The following SHOC1 variants were observed in gnomAD, a reference collection of about 807,000 sequenced individuals.
SHOC1 encodes the protein protein shortage in chiasmata 1 ortholog.
In SHOC1, 136 loss-of-function variants were observed where a neutral mutation model predicts 179.2. The ratio of observed to expected loss-of-function variants is 0.76; its 90% CI spans 0.66 to 0.87. The LOEUF is 0.87. Ranked by LOEUF, SHOC1 falls within the 40% of genes least tolerant of loss-of-function variation. SHOC1 has a pLI of 0.00. For synonymous variants in SHOC1, 489 were observed against 586.6 expected, an observed-to-expected ratio of 0.83 and a Z score of 2.41; for missense variants, 1,538 against 1,700.8, an observed-to-expected ratio of 0.90 and a Z score of 1.68.
intron 26 of SHOC1, 114 bp from the exon 27 acceptor site, chr9:111,692,625 A>G: frequency 1.6e-6 from 1 of 644,926 alleles, no homozygotes; most frequent in Non-Finnish European, 2.5e-6. Context: ...TAGATATTAC[A>G]TTGATCCAGG....
intron 22 of SHOC1, among the ~76,000 whole-genome samples, chr9:111,703,132 C>G (rs1254278000): frequency 3.9e-5 from 6 of 152,074 alleles, no homozygotes. Context: ...AACAAACAAA[C>G]AGTTGTGCCA....
chr9:111,763,355 T>G (rs556773736), intron 5 of SHOC1, among the ~76,000 whole-genome samples: 8 of 151,976 alleles, frequency 5.3e-5, no homozygotes, highest in Non-Finnish European at 1.2e-4. Flanking sequence ...TATATAACAA[T>G]AGACCCACAA....
At chr9:111,747,629 G>A (rs1216666464) in intron 9 of SHOC1, among the ~76,000 whole-genome samples, 1 of 152,106 alleles carries the variant, frequency 6.6e-6, no homozygotes, top group Non-Finnish European at 1.5e-5. Flanking sequence ...TGCCCAGGCT[G>A]GAGTGCAGTG....
At chr9:111,794,254 C>A (rs1268510174) in intron 1 of SHOC1, among the ~76,000 whole-genome samples, 2 of 148,948 alleles carry the variant, frequency 1.3e-5, no homozygotes, top group African/African-American at 2.5e-5. Flanking sequence ...CTGCCTTCTT[C>A]ACTCCCTCGC....
At chr9:111,729,623 G>A (rs1397322316) in intron 12 of SHOC1, among the ~76,000 whole-genome samples, 3 of 152,184 alleles carry the variant, frequency 2.0e-5, no homozygotes, top group South Asian at 2.1e-4. Flanking sequence ...GGTCAGGAGC[G>A]TGGCTCATGC....
intron 12 of SHOC1, among the ~76,000 whole-genome samples, chr9:111,731,519 G>A (rs949849449): frequency 6.6e-6 from 1 of 152,180 alleles, no homozygotes; most frequent in Non-Finnish European, 1.5e-5. Context: ...CAGCTGGTTA[G>A]TGGAGCAGTC....
intron 5 of SHOC1, among the ~76,000 whole-genome samples, chr9:111,774,694 CTCTCTA>C (rs1392006823): frequency 6.6e-6 from 1 of 152,074 alleles, no homozygotes; most frequent in Non-Finnish European, 1.5e-5. Flanking sequence ...CTCTCTCTCT[CTCTCTA>C]TATATATATC....
chr9:111,706,787 T>G (rs748967749), intron 19 of SHOC1, 41 bp from the exon 20 acceptor site: 1 of 1,390,918 alleles, frequency 7.2e-7, no homozygotes, highest in Non-Finnish European at 9.7e-7. Context: ...ATTATACTTG[T>G]GTTATTATTT....
At position 111,738,265 on chromosome 9, in the gene SHOC1, C is replaced by T. The variant is rs757056703; in HGVS notation, c.1417+15G>A. ...AAAATGTTTACATAACTAATATTTA[C>T]TGTGATGTACTTACATTCTAATTGA... On this transcript the variant is annotated intron_variant, in intron 12 of 27. Transcript: ENST00000682961. 6.3e-7 allele frequency: 1 copy of T among 1,591,476 alleles called. No individual in the cohort carries two copies. Among genetic ancestry groups the T allele is most frequent in the Non-Finnish European group, 8.6e-7 (1 of 1,164,984 alleles).
chr9:111,792,529 G>C (rs1836483529), intron 1 of SHOC1, among the ~76,000 whole-genome samples: 1 of 152,140 alleles, frequency 6.6e-6, no homozygotes, highest in African/African-American at 2.4e-5. Context: ...TTGAGCCTGG[G>C]AGGTGGAGGT....
rs369320210 is a variant in SHOC1 at position 111,738,525 on chromosome 9, T to TA, written c.1175-4dup. 747 of 1,497,642 alleles carry TA rather than the reference T, an allele frequency of 5.0e-4. 1 individual carries two copies. In the East Asian group the frequency reaches 5.9e-3, roughly 12 times the overall value. 92.8% of individuals were successfully genotyped at this position (1,497,642 alleles called of 1,614,324 possible). A position where few individuals can be genotyped will look rare whatever the true frequency, so the allele number is the denominator to read the frequency against. Reference sequence around the variant, plus strand: ...GTGGGGCTCTTGAATTCTTGGCACTTAAAAAAAAATAAAAAACAAATAGTT... The same window carrying TA: ...GTGGGGCTCTTGAATTCTTGGCACTTAAAAAAAAAATAAAAAACAAATAGTT... On this transcript the variant is annotated splice_polypyrimidine_tract_variant and splice_region_variant and intron_variant, in intron 11 of 27. Transcript: ENST00000682961.
intron 12 of SHOC1, among the ~76,000 whole-genome samples, chr9:111,728,772 T>G (rs1394441794): frequency 6.6e-6 from 1 of 152,170 alleles, no homozygotes; most frequent in African/African-American, 2.4e-5. Context: ...GGGCTTATAT[T>G]AAAAACCATG....
chr9:111,759,919 T>A (rs1449261589), intron 5 of SHOC1, among the ~76,000 whole-genome samples: 1 of 152,218 alleles, frequency 6.6e-6, no homozygotes, highest in Non-Finnish European at 1.5e-5. Flanking sequence ...TGAACTTAAG[T>A]TCCTGACAAT....
intron 19 of SHOC1, 36 bp downstream of exon 19, chr9:111,707,819 C>A: frequency 7.3e-7 from 1 of 1,363,296 alleles, no homozygotes; most frequent in Non-Finnish European, 1.0e-6. Context: ...GAAACTGGTA[C>A]GTTTGTTCCT....
intron 5 of SHOC1, among the ~76,000 whole-genome samples, chr9:111,772,178 G>A (rs765006981): frequency 7.2e-5 from 11 of 151,940 alleles, no homozygotes; most frequent in Non-Finnish European, 1.0e-4. Flanking sequence ...TGTTCCATTT[G>A]GATGTTGAGA....
Position 111,692,371 on chromosome 9 carries a change from G to A in SHOC1, c.3606C>T (p.Val1202=). 2 of 1,613,204 alleles carry A rather than the reference G, an allele frequency of 1.2e-6. No homozygotes were observed. Among genetic ancestry groups the A allele is most frequent in the Non-Finnish European group, 1.7e-6 (2 of 1,179,440 alleles). Residue 1202 remains valine, a synonymous_variant, in exon 27 of 28, where the codon GTC becomes GTT. Transcript: ENST00000682961. ...SQSSASDLDS[V]IQEHNEYYQY... is the part of the protein sequence containing the mutation. Reference sequence around the variant, plus strand: ...GATAATATTCATTATGTTCTTGAATGACAGAGTCTAAATCAGAAGCTGAAC... The same window carrying A: ...GATAATATTCATTATGTTCTTGAATAACAGAGTCTAAATCAGAAGCTGAAC...
chr9:111,722,055 A>T lies in SHOC1; in HGVS notation c.2131+354T>A, dbSNP rs74853339. On this transcript the variant is annotated intron_variant, in intron 15 of 27. Transcript: ENST00000682961. ...GTTACTCCATCTTGGCAGAAATAAAAAGTCTAGGATTGACTTTAATTAATC... is the reference window on the plus strand; with the variant it reads ...GTTACTCCATCTTGGCAGAAATAAATAGTCTAGGATTGACTTTAATTAATC... 7.7e-4 allele frequency among the ~76,000 whole-genome samples: 117 copies of T among 152,340 alleles called. 3 individuals carry two copies. The East Asian group carries it at 0.02, about 27-fold the overall frequency.
At chr9:111,690,173 C>T (rs1379165950) in intron 27 of SHOC1, among the ~76,000 whole-genome samples, 3 of 152,120 alleles carry the variant, frequency 2.0e-5, no homozygotes, top group East Asian at 1.9e-4. Flanking sequence ...CCTGTAATCC[C>T]AGCACATTGG....
At position 111,727,674 on chromosome 9, in the gene SHOC1, C is replaced by T. The variant is rs1192866488; in HGVS notation, c.1793G>A (p.Cys598Tyr). The T allele has an allele frequency of 6.3e-7, 1 of 1,598,606 alleles. No individual in the cohort carries two copies. Among genetic ancestry groups the T allele is most frequent in the Non-Finnish European group, 8.5e-7 (1 of 1,175,174 alleles). The change falls in exon 13 of 28, where the codon TGC becomes TAC. Residue 598 changes from cysteine to tyrosine, a missense_variant. Transcript: ENST00000682961. ...GTTTGTGACTTCAGTCTTTGAGGTG[C>T]AAGTCTTATATTTATTTCGCAGCAT... ...FIMLRNKYKT[C>Y]TSKTEVTNSD...
Sources: allele counts gnomAD v4.1 joint callset (sites outside exome capture counted in the v4.1 genomes callset), GRCh38; gene constraint gnomAD v4.1.1; transcripts MANE v1.5; gene names NCBI Gene and HGNC (gene_info 2026-07-23, HGNC 2026-07-21).